PCDH9: variants seen among roughly 807,000 people sequenced by gnomAD.
The protein encoded by PCDH9 is protocadherin-9.
A neutral mutation model predicts 70.6 loss-of-function variants in PCDH9; 24 were observed. The ratio of observed to expected loss-of-function variants is 0.34; its 90% CI spans 0.25 to 0.48. The LOEUF (loss-of-function observed/expected upper bound fraction) is 0.48. Ranked by LOEUF, PCDH9 falls within the 20% of genes least tolerant of loss-of-function variation. The pLI, the probability that PCDH9 is intolerant of heterozygous loss-of-function variation, is 0.99. For missense variants in PCDH9, 1,281 were observed against 1,503.6 expected (o/e 0.85, Z 2.45); for synonymous variants, 562 against 558.5 (o/e 1.01, Z -0.09).
rs1300217800 is a variant in PCDH9, at chr13:67,162,818, A to G, written c.3036+62587T>C. ...AACTGTTGAATATACAAGTGCCTGC[A>G]CTGTACTGAACTGAAAAAAAAAATA... On this transcript the variant is annotated intron_variant, in intron 2 of 4. Transcript: ENST00000377865. Among the ~76,000 whole-genome samples, 3 of 149,400 alleles carry G rather than the reference A, an allele frequency of 2.0e-5. No homozygotes were observed. The Admixed American group carries it at 2.0e-4, about 10-fold the overall frequency.
intron 3 of PCDH9, among the ~76,000 whole-genome samples, chr13:66,751,361 G>GT (rs1467076765): frequency 6.6e-6 from 1 of 151,974 alleles, no homozygotes; most frequent in East Asian, 1.9e-4. Context: ...ATAAATCTAA[G>GT]TTTTTTAATG....
intron 3 of PCDH9, among the ~76,000 whole-genome samples, chr13:66,635,965 C>G (rs1435901375): frequency 6.6e-6 from 1 of 152,006 alleles, no homozygotes; most frequent in Non-Finnish European, 1.5e-5. Flanking sequence ...ACAATACTTA[C>G]AGTTATGTCA....
At chr13:66,321,326 A>G (rs1333520723) in intron 4 of PCDH9, among the ~76,000 whole-genome samples, 1 of 152,098 alleles carries the variant, frequency 6.6e-6, no homozygotes, top group Non-Finnish European at 1.5e-5. Flanking sequence ...TGAGCAGAGT[A>G]TAAACTAACT....
intron 2 of PCDH9, among the ~76,000 whole-genome samples, chr13:67,200,229 G>T (rs1224071230): frequency 1.3e-5 from 2 of 151,994 alleles, no homozygotes; most frequent in Non-Finnish European, 2.9e-5. Context: ...CAAACTGGGA[G>T]AGTTATTTTC....
At chr13:66,345,282 C>T (rs1956195284) in intron 4 of PCDH9, among the ~76,000 whole-genome samples, 1 of 152,082 alleles carries the variant, frequency 6.6e-6, no homozygotes, top group Non-Finnish European at 1.5e-5. Context: ...TGGTTGTGCT[C>T]CAGAAAGTGA....
At chr13:66,994,593 A>G (rs143656255) in intron 2 of PCDH9, among the ~76,000 whole-genome samples, 207 of 152,328 alleles carry the variant, frequency 1.4e-3, no homozygotes, top group African/African-American at 4.8e-3. Context: ...ATTCTGTGGT[A>G]AAAACAAGCT....
intron 3 of PCDH9, among the ~76,000 whole-genome samples, chr13:66,749,625 C>A (rs1049718854): frequency 2.0e-5 from 3 of 152,032 alleles, no homozygotes; most frequent in Non-Finnish European, 4.4e-5. Context: ...AGCTCGAGAC[C>A]AGAATTTAGA....
At chr13:66,542,232 C>T (rs960764557) in intron 4 of PCDH9, among the ~76,000 whole-genome samples, 2 of 151,930 alleles carry the variant, frequency 1.3e-5, no homozygotes, top group African/African-American at 2.4e-5. Flanking sequence ...CCTAATGACA[C>T]GAGACTACAA....
intron 4 of PCDH9, among the ~76,000 whole-genome samples, chr13:66,474,137 C>T (rs2138490390): frequency 6.6e-6 from 1 of 152,250 alleles, no homozygotes; most frequent in South Asian, 2.1e-4. Flanking sequence ...ATATTTTCAT[C>T]ATCATGACTA....
intron 3 of PCDH9, among the ~76,000 whole-genome samples, chr13:66,714,011 C>T (rs73200932): frequency 0.08 from 12,208 of 152,030 alleles, 634 homozygotes; most frequent in Non-Finnish European, 0.12. Flanking sequence ...GTTTCTTCAT[C>T]CTATAATTTA....
rs2086928404 is a variant in PCDH9 at position 67,124,069 on chromosome 13, T to C, written c.3036+101336A>G. Among the ~76,000 whole-genome samples, 4 of 152,230 alleles carry C rather than the reference T, an allele frequency of 2.6e-5. No individual in the cohort carries two copies. The South Asian group carries it at 8.3e-4, about 32-fold the overall frequency. On this transcript the variant is annotated intron_variant, in intron 2 of 4. Transcript: ENST00000377865. ...TAATTTGTACAATTATTTTGAATCA[T>C]AAGTTTTTGTTTGTTTTAAAATACT...
intron 3 of PCDH9, among the ~76,000 whole-genome samples, chr13:66,853,735 A>G (rs1304514840): frequency 1.3e-5 from 2 of 150,554 alleles, no homozygotes. Flanking sequence ...CTGATTCATA[A>G]ATCATTTCCT....
At chr13:66,767,994 A>T (rs1398808639) in intron 3 of PCDH9, among the ~76,000 whole-genome samples, 1 of 152,096 alleles carries the variant, frequency 6.6e-6, no homozygotes, top group African/African-American at 2.4e-5. Flanking sequence ...AAGGCTGACA[A>T]ATCAATTCTT....
At chr13:66,773,036 A>G (rs781382743) in intron 3 of PCDH9, among the ~76,000 whole-genome samples, 7 of 152,192 alleles carry the variant, frequency 4.6e-5, no homozygotes, top group Non-Finnish European at 8.8e-5. Context: ...AGCTAAATGT[A>G]TAACTGGTGG....
intron 2 of PCDH9, among the ~76,000 whole-genome samples, 188 bp from the exon 3 acceptor site, chr13:66,903,793 A>C (rs2082315213): frequency 6.6e-6 from 1 of 152,024 alleles, no homozygotes; most frequent in Non-Finnish European, 1.5e-5. Context: ...CAGGATAAAC[A>C]AATTGTTAAA....
intron 3 of PCDH9, among the ~76,000 whole-genome samples, chr13:66,737,542 C>G (rs1276993125): frequency 6.6e-6 from 1 of 152,116 alleles, no homozygotes; most frequent in African/African-American, 2.4e-5. Context: ...CCAGCGTGAG[C>G]GACGCAGAAG....
chr13:66,722,673 T>C (rs182630139), intron 3 of PCDH9, among the ~76,000 whole-genome samples: 2 of 151,978 alleles, frequency 1.3e-5, no homozygotes, highest in Admixed American at 1.3e-4. Context: ...AAGAAAAAAA[T>C]TAAACACCTA....
chr13:66,938,015 T>C (rs1263419980), intron 2 of PCDH9, among the ~76,000 whole-genome samples: 1 of 152,210 alleles, frequency 6.6e-6, no homozygotes, highest in Non-Finnish European at 1.5e-5. Flanking sequence ...CATAATCATT[T>C]ATATGGGTCA....
intron 4 of PCDH9, among the ~76,000 whole-genome samples, chr13:66,312,377 A>G (rs1415001015): frequency 6.6e-6 from 1 of 152,196 alleles, no homozygotes; most frequent in Non-Finnish European, 1.5e-5. Flanking sequence ...TAGGCTAGGC[A>G]TGGTGGCTCA....
Sources: gnomAD v4.1 joint callset for allele counts (sites outside exome capture counted in the v4.1 genomes callset) on GRCh38, gnomAD v4.1.1 for gene constraint, MANE v1.5 for transcripts, NCBI Gene and HGNC (gene_info 2026-07-23, HGNC 2026-07-21) for gene names.